Variants in QTMAN observed in about 807,000 individuals in gnomAD.
The protein encoded by QTMAN is tRNA-queuosine alpha-mannosyltransferase.
chr2:144,303,771 A>G, the QTMAN span, among the ~76,000 whole-genome samples: 20 of 152,286 alleles, frequency 1.3e-4, no homozygotes, highest in Non-Finnish European at 2.9e-4. Flanking sequence ...CAAAACAATC[A>G]TTTTCAGACA....
the QTMAN span, chr2:144,177,218 G>C: frequency 1.4e-6 from 1 of 699,288 alleles, no homozygotes; most frequent in East Asian, 2.7e-5. Context: ...GAGTCAACAT[G>C]TGAAGACATC....
At chr2:144,257,840 A>C in the QTMAN span, among the ~76,000 whole-genome samples, 3 of 152,244 alleles carry the variant, frequency 2.0e-5, no homozygotes, top group African/African-American at 7.2e-5. Flanking sequence ...AAACATAGGC[A>C]AATGGCAGAT....
the QTMAN span, among the ~76,000 whole-genome samples, chr2:144,057,927 C>T: frequency 6.6e-6 from 1 of 152,118 alleles, no homozygotes; most frequent in Non-Finnish European, 1.5e-5. Context: ...CTTCCCACCT[C>T]AGTCTCCCAA....
At chr2:144,074,760 A>T in the QTMAN span, among the ~76,000 whole-genome samples, 2 of 152,190 alleles carry the variant, frequency 1.3e-5, no homozygotes, top group Non-Finnish European at 2.9e-5. Flanking sequence ...TCTTTTCACT[A>T]TAGCAAACAC....
the QTMAN span, among the ~76,000 whole-genome samples, chr2:144,285,092 G>A: frequency 1.3e-5 from 2 of 151,420 alleles, no homozygotes; most frequent in Non-Finnish European, 2.9e-5. Flanking sequence ...GCAAAAGAGC[G>A]AGACCCTGTC....
At chr2:144,058,101 G>A in the QTMAN span, among the ~76,000 whole-genome samples, 1 of 139,772 alleles carries the variant, frequency 7.2e-6, no homozygotes, top group Non-Finnish European at 1.5e-5. Context: ...AAAAAAAAAA[G>A]AAAGAAAGAA....
At chr2:144,141,125 T>A in the QTMAN span, among the ~76,000 whole-genome samples, 1 of 151,886 alleles carries the variant, frequency 6.6e-6, no homozygotes, top group South Asian at 2.1e-4. Flanking sequence ...AAGAAAGCAG[T>A]CAGTAAAAAA....
the QTMAN span, among the ~76,000 whole-genome samples, chr2:144,140,095 A>G: frequency 2.0e-5 from 3 of 152,192 alleles, no homozygotes; most frequent in South Asian, 4.1e-4. Flanking sequence ...TACTTACACT[A>G]TATGAGTTTG....
At chr2:143,981,396 T>C in the QTMAN span, among the ~76,000 whole-genome samples, 3 of 152,268 alleles carry the variant, frequency 2.0e-5, no homozygotes, top group Non-Finnish European at 4.4e-5. Flanking sequence ...ATGCCGTTCA[T>C]CAAAATGCAT....
chr2:144,307,829 TGAAA>T, the QTMAN span, among the ~76,000 whole-genome samples: 1 of 152,026 alleles, frequency 6.6e-6, no homozygotes, highest in African/African-American at 2.4e-5. Flanking sequence ...CTCAGAGAAA[TGAAA>T]GAATAACTAA....
chr2:143,983,230 G>A, the QTMAN span, among the ~76,000 whole-genome samples: 1 of 152,034 alleles, frequency 6.6e-6, no homozygotes, highest in Middle Eastern at 3.2e-3. Flanking sequence ...AACAGTTGAG[G>A]GGATTAAGTG....
At chr2:144,074,033 CTT>C in the QTMAN span, among the ~76,000 whole-genome samples, 2 of 152,154 alleles carry the variant, frequency 1.3e-5, no homozygotes, top group African/African-American at 2.4e-5. Flanking sequence ...AGGACTCACT[CTT>C]GAGTATACCA....
chr2:144,028,579 C>G, the QTMAN span, among the ~76,000 whole-genome samples: 1 of 152,122 alleles, frequency 6.6e-6, no homozygotes, highest in African/African-American at 2.4e-5. Flanking sequence ...TCCTGGCCTC[C>G]TGGAGCCATG....
At chr2:144,220,620 C>G in the QTMAN span, among the ~76,000 whole-genome samples, 1 of 152,172 alleles carries the variant, frequency 6.6e-6, no homozygotes, top group Non-Finnish European at 1.5e-5. Context: ...TCACACTTTG[C>G]AAACAGTGTT....
the QTMAN span, among the ~76,000 whole-genome samples, chr2:144,102,660 T>C: frequency 0.011 from 1,730 of 152,332 alleles, 25 homozygotes; most frequent in African/African-American, 0.04. Context: ...CTGTACAAAT[T>C]ATCTGCTTAA....
At chr2:144,250,635 TAC>T in the QTMAN span, among the ~76,000 whole-genome samples, 3 of 151,830 alleles carry the variant, frequency 2.0e-5, no homozygotes, top group Admixed American at 2.0e-4. Flanking sequence ...AGTATTACTT[TAC>T]ACTTACCAGA....
chr2:144,197,650 A>C, the QTMAN span, among the ~76,000 whole-genome samples: 2 of 152,190 alleles, frequency 1.3e-5, no homozygotes, highest in Admixed American at 1.3e-4. Flanking sequence ...GTTCCGTTCC[A>C]GACAAATTTC....
the QTMAN span, among the ~76,000 whole-genome samples, chr2:143,959,634 G>A: frequency 1.4e-4 from 21 of 152,096 alleles, no homozygotes; most frequent in African/African-American, 4.1e-4. Context: ...GATAATTATC[G>A]TACAGCTAAA....
At chr2:144,298,523 A>T in the QTMAN span, among the ~76,000 whole-genome samples, 3 of 152,178 alleles carry the variant, frequency 2.0e-5, no homozygotes, top group African/African-American at 4.8e-5. Context: ...AAATAAAAAG[A>T]CTAGACCCAA....
Sources: allele counts gnomAD v4.1 joint callset (sites outside exome capture counted in the v4.1 genomes callset), GRCh38; gene constraint gnomAD v4.1.1; transcripts MANE v1.5; gene names NCBI Gene and HGNC (gene_info 2026-07-23, HGNC 2026-07-21).